The following MAPK9 variants were observed in gnomAD, a reference collection of about 807,000 sequenced individuals.
The protein encoded by MAPK9 is Jun kinase.
In MAPK9, 30 loss-of-function variants were observed where a neutral mutation model predicts 57.1. That is an observed-to-expected ratio of 0.53 (90% CI 0.39 to 0.71). The LOEUF is 0.71. MAPK9 is among the 30% of genes least tolerant of loss of function. MAPK9 has a pLI of 0.00. For missense variants in MAPK9, 362 were observed against 521.0 expected, an observed-to-expected ratio of 0.69 and a Z score of 2.97; for synonymous variants, 155 against 177.0, an observed-to-expected ratio of 0.88 and a Z score of 0.99.
intron 2 of MAPK9, among the ~76,000 whole-genome samples, chr5:180,273,104 G>A (rs551900020): frequency 4.6e-5 from 7 of 152,250 alleles, no homozygotes; most frequent in South Asian, 4.2e-4. Context: ...ATGGTATTTC[G>A]TCGCAGTTTT....
rs1761979203 is a variant in MAPK9 at position 180,278,024 on chromosome 5, TATAGAG to T, written c.122+2410_122+2415del. Among the ~76,000 whole-genome samples, 5 of 152,368 alleles carry T rather than the reference TATAGAG, an allele frequency of 3.3e-5. No homozygotes were observed. In the South Asian group the frequency reaches 1.0e-3, roughly 32 times the overall value. ...CTGTTCTTGAATGTAACAATTGTCT[TATAGAG>T]ATAAATACAATTAAATGAAAATTGT... On this transcript the variant is annotated intron_variant, in intron 2 of 11. Transcript: ENST00000452135.
At chr5:180,267,489 G>A (rs929693207) in intron 3 of MAPK9, among the ~76,000 whole-genome samples, 1 of 151,386 alleles carries the variant, frequency 6.6e-6, no homozygotes, top group African/African-American at 2.4e-5. Context: ...GTGAACCTGG[G>A]AGGCGGAGCT....
chr5:180,247,170 C>T lies in MAPK9; in HGVS notation c.688+269G>A. ...TAAATAATTTCTTCTATGTGTCCAG[C>T]TATTTTTGGCAAAATTAAGAGCTAA... On this transcript the variant is annotated intron_variant, in intron 7 of 11. Transcript: ENST00000452135. This position sits in a 1 kb window ranked among gnomAD's most constrained non-coding sequence, Gnocchi z 4.5. The T allele has an allele frequency of 2.0e-6, 1 of 508,014 alleles. No individual in the cohort carries two copies. The allele number at this position is 508,014 out of a possible 1,614,324, so 31.5% of individuals were successfully genotyped here.
intron 5 of MAPK9, among the ~76,000 whole-genome samples, chr5:180,252,808 T>A (rs1324406313): frequency 6.6e-6 from 1 of 151,984 alleles, no homozygotes; most frequent in Non-Finnish European, 1.5e-5. Flanking sequence ...ATGTGAGAGC[T>A]GAGGGTATGA....
intron 7 of MAPK9, among the ~76,000 whole-genome samples, chr5:180,244,470 C>T (rs1460114227): frequency 6.6e-6 from 1 of 152,042 alleles, no homozygotes; most frequent in African/African-American, 2.4e-5. Context: ...CTATTTGCAG[C>T]AAAAACTTCC....
intron 1 of MAPK9, among the ~76,000 whole-genome samples, chr5:180,288,765 A>G (rs1381432121): frequency 6.6e-6 from 1 of 152,254 alleles, no homozygotes; most frequent in African/African-American, 2.4e-5. Context: ...CCCAAAAAAT[A>G]ATGAATGAAA....
intron 1 of MAPK9, among the ~76,000 whole-genome samples, chr5:180,284,951 A>G (rs1762612958): frequency 6.6e-6 from 1 of 152,234 alleles, no homozygotes; most frequent in Non-Finnish European, 1.5e-5. Context: ...GCAAGTAGAG[A>G]AATAGTGGGA....
intron 7 of MAPK9, among the ~76,000 whole-genome samples, chr5:180,244,220 C>G (rs1326413978): frequency 6.6e-6 from 1 of 152,122 alleles, no homozygotes; most frequent in Non-Finnish European, 1.5e-5. Context: ...CACCCAGCAT[C>G]TGTGTGCCAT....
intron 11 of MAPK9, 200 bp downstream of exon 11, chr5:180,238,132 T>C (rs1757332565): frequency 2.4e-6 from 1 of 411,762 alleles, no homozygotes; most frequent in Non-Finnish European, 4.5e-6. Context: ...TAGCAGGGCA[T>C]GGTGGCGCGT....
chr5:180,248,882 C>A, intron 6 of MAPK9, 91 bp downstream of exon 6: 2 of 1,403,698 alleles, frequency 1.4e-6, no homozygotes, highest in Non-Finnish European at 1.9e-6. Context: ...CAGTATATAT[C>A]ATATGGTTCA....
At chr5:180,266,302 G>C (rs1760540036) in intron 3 of MAPK9, among the ~76,000 whole-genome samples, 1 of 151,062 alleles carries the variant, frequency 6.6e-6, no homozygotes, top group Non-Finnish European at 1.5e-5. Context: ...TGAAGTAACA[G>C]ACGTTCTCAG....
At chr5:180,285,540 T>G (rs1762660150) in intron 1 of MAPK9, among the ~76,000 whole-genome samples, 2 of 152,218 alleles carry the variant, frequency 1.3e-5, no homozygotes, top group South Asian at 4.1e-4. Context: ...CATGCGATAT[T>G]TAAATCAACT....
Position 180,236,448 on chromosome 5 carries a change from G to A in MAPK9, c.1211C>T (p.Thr404Met), listed in dbSNP as rs747278411. ...NDISSMSTEQ[T>M]LASDTDSSLD... Reference sequence around the variant, plus strand: ...ACTGCTGTCTGTGTCTGAGGCCAGCGTCTGCTCAGTGGACATGGATGAAAT... The same window carrying A: ...ACTGCTGTCTGTGTCTGAGGCCAGCATCTGCTCAGTGGACATGGATGAAAT... Residue 404 changes from threonine (T) to methionine (M), a missense_variant, in exon 12 of 12, where the codon ACG becomes ATG. By Grantham distance (81) the Thr-to-Met change is moderately conservative. Coordinates refer to ENST00000452135, the MANE Select transcript of MAPK9 (RefSeq NM_002752.5). 58 of 1,613,892 alleles carry A rather than the reference G, an allele frequency of 3.6e-5. No individual in the cohort carries two copies. In the South Asian group the frequency reaches 4.7e-4, roughly 13 times the overall value.
chr5:180,238,280 A>T (rs35998389), intron 11 of MAPK9, 52 bp downstream of exon 11: 2 of 1,457,392 alleles, frequency 1.4e-6, no homozygotes, highest in Admixed American at 1.9e-5. Flanking sequence ...AAAAAAAAAA[A>T]GTTGAATAGG....
rs1759988674 is a variant in MAPK9, at chr5:180,261,737, AAAG to A, written c.394_396del (p.Leu132del). The A allele has an allele frequency of 6.2e-7, 1 of 1,613,396 alleles. No homozygotes were observed. Among genetic ancestry groups the A allele is most frequent in the African/African-American group, 1.3e-5 (1 of 74,924 alleles). ...TGTTTAATACCACAAAGCATCTGGT[AAAG>A]AAGGTAGGACATTCTTTCATGATCC... On this transcript the variant is annotated inframe_deletion, in exon 5 of 12. Coordinates refer to ENST00000452135, the MANE Select transcript of MAPK9 (RefSeq NM_002752.5).
intron 2 of MAPK9, 132 bp from the exon 3 acceptor site, chr5:180,269,541 C>G: frequency 1.2e-6 from 1 of 835,880 alleles, no homozygotes; most frequent in Non-Finnish European, 1.9e-6. Context: ...ATTCAAGGTA[C>G]TTGCACATAT....
intron 2 of MAPK9, 34 bp from the exon 3 acceptor site, chr5:180,269,443 G>C: frequency 6.3e-7 from 1 of 1,596,908 alleles, no homozygotes; most frequent in Non-Finnish European, 8.6e-7. Flanking sequence ...CAATCCATTA[G>C]AACGGTTTTG....
chr5:180,257,127 G>C (rs545687561), intron 5 of MAPK9, among the ~76,000 whole-genome samples: 36 of 152,346 alleles, frequency 2.4e-4, no homozygotes, highest in African/African-American at 7.7e-4. Context: ...CTAGATGGCA[G>C]ATGGGAGGCT....
chr5:180,267,948 T>C lies in MAPK9; in HGVS notation c.252+1332A>G, dbSNP rs374267195. Among the ~76,000 whole-genome samples, 633 of 152,278 alleles carry C rather than the reference T, an allele frequency of 4.2e-3. 3 individuals are homozygous for C. Among genetic ancestry groups the C allele is most frequent in the East Asian group, 0.017 (87 of 5,164 alleles). ...TGCTATCTCAGCTCACTGCAAGCTC[T>C]GCCTCCCGGGTTCATGCCATTCTCC... is the stretch of plus-strand genomic sequence containing the variant. On this transcript the variant is annotated intron_variant, in intron 3 of 11. Coordinates refer to ENST00000452135, the MANE Select transcript of MAPK9 (RefSeq NM_002752.5).
Sources: allele counts gnomAD v4.1 joint callset (sites outside exome capture counted in the v4.1 genomes callset), GRCh38; gene constraint gnomAD v4.1.1; non-coding constraint Gnocchi (gnomAD v3.1); transcripts MANE v1.5; gene names NCBI Gene and HGNC (gene_info 2026-07-23, HGNC 2026-07-21).